The following ZNF518A variants were observed in gnomAD, a reference collection of about 807,000 sequenced individuals.
The protein encoded by ZNF518A is zinc finger protein 518A.
In ZNF518A, 47 loss-of-function variants were observed where a neutral mutation model predicts 102.7. The observed-to-expected ratio is 0.46, with a 90% CI of 0.36 to 0.58. The LOEUF (loss-of-function observed/expected upper bound fraction) is 0.58. ZNF518A is among the 20% of genes least tolerant of loss of function. ZNF518A has a pLI of 0.00. For synonymous variants in ZNF518A, 652 were observed against 594.6 expected (o/e 1.10, Z -1.40); for missense variants, 1,793 against 1,699.8 (o/e 1.05, Z -0.96).
At chr10:96,182,459 G>A (rs587708834) in intron 1 of ZNF518A, among the ~76,000 whole-genome samples, 19 of 152,296 alleles carry the variant, frequency 1.2e-4, no homozygotes, top group African/African-American at 4.3e-4. Context: ...TATGATGGTG[G>A]CTGTGGGTTT....
chr10:96,154,658 C>T (rs1312569094), intron 3 of ZNF518A, among the ~76,000 whole-genome samples: 1 of 152,130 alleles, frequency 6.6e-6, no homozygotes, highest in Admixed American at 6.5e-5. Flanking sequence ...GCCTTTTCTC[C>T]TGGTTTCCTG....
Position 96,157,949 on chromosome 10 carries a change from A to T in ZNF518A, c.1627A>T (p.Thr543Ser), listed in dbSNP as rs782612492. 1.2e-6 allele frequency: 2 copies of T among 1,613,742 alleles called. No homozygotes were observed. The highest frequency in any genetic ancestry group is 2.2e-5 in the South Asian group (2 of 91,062). The change falls in exon 6 of 6, where the codon ACA becomes TCA. Residue 543 changes from threonine (T) to serine (S), a missense_variant. Physicochemically the swap from Thr to Ser is moderately conservative, Grantham distance 58 (BLOSUM62 1). Coordinates refer to ENST00000316045, the MANE Select transcript of ZNF518A (RefSeq NM_001330736.2). ...ATCTCAAAGGAATAATATGCTTCAA[A>T]CAATGGATTATGAGAAAAGTGTATC... The part of the protein sequence containing the change: ...LISQRNNMLQ[T>S]MDYEKSVSSL...
chr10:96,203,542 G>T (rs1161849871), intron 1 of ZNF518A: 1 of 152,224 alleles, frequency 6.6e-6, no homozygotes, highest in African/African-American at 2.4e-5. Context: ...TACGTTCTGT[G>T]AGCCTGACTT....
At chr10:96,170,512 T>C (rs1463662049) in intron 1 of ZNF518A, among the ~76,000 whole-genome samples, 1 of 152,176 alleles carries the variant, frequency 6.6e-6, no homozygotes, top group Admixed American at 6.5e-5. Flanking sequence ...GAGTGGAGAA[T>C]GAGACTAGAG....
In ZNF518A at chr10:96,130,758, C is replaced by T. The variant is rs1326814024; in HGVS notation, c.-453+6C>T. ...TTCTCCAGAGTTGGCCAAAGGTGCTCTTCCCCGCAGACCCTAACCACACCC... is the reference window on the plus strand; with the variant it reads ...TTCTCCAGAGTTGGCCAAAGGTGCTTTTCCCCGCAGACCCTAACCACACCC... On this transcript the variant is annotated splice_donor_region_variant and intron_variant, in intron 1 of 5. Transcript: ENST00000316045. 2.6e-5 allele frequency: 4 copies of T among 152,408 alleles called. No homozygotes were observed. The highest frequency in any genetic ancestry group is 2.6e-4 in the Admixed American group (4 of 15,288). 9.4% of individuals were successfully genotyped at this position (152,408 alleles called of 1,614,324 possible).
chr10:96,179,113 G>A (rs1003182418), intron 1 of ZNF518A, among the ~76,000 whole-genome samples: 2 of 152,070 alleles, frequency 1.3e-5, no homozygotes, highest in African/African-American at 2.4e-5. Context: ...GAAAACTACA[G>A]ACCAGTGTTC....
rs782256757 is a variant in ZNF518A, at chr10:96,157,951, A to G, written c.1629A>G (p.Thr543=). ...CTCAAAGGAATAATATGCTTCAAAC[A>G]ATGGATTATGAGAAAAGTGTATCTT... ...LISQRNNMLQ[T]MDYEKSVSSL... Residue 543 remains threonine, a synonymous_variant, in exon 6 of 6, where the codon ACA becomes ACG. Transcript: ENST00000316045. 1 of 1,613,876 alleles carries G rather than the reference A, an allele frequency of 6.2e-7. No homozygotes were observed. The highest frequency in any genetic ancestry group is 1.1e-5 in the South Asian group (1 of 91,056).
At chr10:96,142,045 A>G (rs1302555831) in intron 3 of ZNF518A, among the ~76,000 whole-genome samples, 2 of 152,206 alleles carry the variant, frequency 1.3e-5, no homozygotes, top group South Asian at 2.1e-4. Flanking sequence ...CCCAGCCTAC[A>G]TTTCTTTTTC....
chr10:96,148,206 G>A (rs1050964849), intron 3 of ZNF518A, among the ~76,000 whole-genome samples: 7 of 152,164 alleles, frequency 4.6e-5, no homozygotes, highest in African/African-American at 1.4e-4. Context: ...TTGGGAGGCC[G>A]AGGTGGGTGG....
chr10:96,143,436 T>G (rs2082032359), intron 3 of ZNF518A, among the ~76,000 whole-genome samples: 1 of 152,192 alleles, frequency 6.6e-6, no homozygotes, highest in South Asian at 2.1e-4. Flanking sequence ...CTTCCATTGT[T>G]TCTTTATTCT....
At position 96,159,003 on chromosome 10, in the gene ZNF518A, C is replaced by T. The variant is rs374947264; in HGVS notation, c.2681C>T (p.Ala894Val). The T allele has an allele frequency of 2.2e-5, 36 of 1,613,398 alleles. No homozygotes were observed. Among genetic ancestry groups the T allele is most frequent in the Non-Finnish European group, 2.8e-5 (33 of 1,179,702 alleles). The change falls in exon 6 of 6, where the codon GCG (alanine) becomes GTG (valine). Residue 894 changes from alanine (A) to valine (V), a missense_variant. Physicochemically the swap from Ala to Val is moderately conservative, Grantham distance 64 (BLOSUM62 0). This residue lies in a region of ZNF518A where 1,741 missense variants were observed against 1,622.6 expected (regional missense o/e 1.07). Coordinates refer to ENST00000316045, the MANE Select transcript of ZNF518A (RefSeq NM_001330736.2). ...ACATTACTTAAGACTCAGTCAGATGCGATAATAACACAGCAGCTTGTAAAA... is the reference window on the plus strand; with the variant it reads ...ACATTACTTAAGACTCAGTCAGATGTGATAATAACACAGCAGCTTGTAAAA... ...FGTLLKTQSD[A>V]IITQQLVKDK...
intron 3 of ZNF518A, among the ~76,000 whole-genome samples, chr10:96,134,702 T>C (rs1353905471): frequency 6.6e-6 from 1 of 152,224 alleles, no homozygotes; most frequent in Non-Finnish European, 1.5e-5. Flanking sequence ...CTTGAAAACT[T>C]GTGAGCAAAG....
At position 96,158,980 on chromosome 10, in the gene ZNF518A, AT is replaced by A; in HGVS notation, c.2660del (p.Leu887TyrfsTer9). The A allele has an allele frequency of 6.2e-7, 1 of 1,613,596 alleles. No homozygotes were observed. ...TGCCTAGAATTTCAGGTTTTGGCACATTACTTAAGACTCAGTCAGATGCGAT... is the reference window on the plus strand; with the variant it reads ...TGCCTAGAATTTCAGGTTTTGGCACATACTTAAGACTCAGTCAGATGCGAT... The part of the protein sequence containing the change: ...KMPRISGFGT[L>X]LKTQSDAIIT... On this transcript the variant is annotated frameshift_variant, in exon 6 of 6. Coordinates refer to ENST00000316045, the MANE Select transcript of ZNF518A (RefSeq NM_001330736.2). LOFTEE classifies it high-confidence loss of function.
downstream of ZNF518A, among the ~76,000 whole-genome samples, chr10:96,166,938 G>A (rs1554890443): frequency 6.6e-6 from 1 of 152,254 alleles, no homozygotes; most frequent in Middle Eastern, 3.4e-3. Context: ...AACTCCTTAA[G>A]TAGTGAAAGC....
chr10:96,159,184 T>C lies in ZNF518A; in HGVS notation c.2862T>C (p.Pro954=). Residue 954 remains proline (P), a synonymous_variant, in exon 6 of 6, where the codon CCT becomes CCC. Coordinates refer to ENST00000316045, the MANE Select transcript of ZNF518A (RefSeq NM_001330736.2). ...ITNKPGLPVI[P]GNALPLVNSQ... ...ACAAGCCTGGGCTACCAGTTATTCCTGGAAATGCACTTCCATTGGTTAATT... is the reference window on the plus strand; with the variant it reads ...ACAAGCCTGGGCTACCAGTTATTCCCGGAAATGCACTTCCATTGGTTAATT... 6.2e-7 allele frequency: 1 copy of C among 1,613,814 alleles called. No individual in the cohort carries two copies. The highest frequency in any genetic ancestry group is 1.1e-5 in the South Asian group (1 of 91,060).
chr10:96,181,130 G>T (rs183845405), intron 1 of ZNF518A, among the ~76,000 whole-genome samples: 1 of 152,336 alleles, frequency 6.6e-6, no homozygotes, highest in Non-Finnish European at 1.5e-5. Flanking sequence ...TCTGTTGGCT[G>T]CATAAAAGTC....
rs931697841 is a variant in ZNF518A, at chr10:96,130,690, G to T, written c.-515G>T. ...CTGGCCCAGCGTATGGTCATTGGGGGCCATTTCTTGCAGAGATGCCCTGCT... is the reference window on the plus strand; with the variant it reads ...CTGGCCCAGCGTATGGTCATTGGGGTCCATTTCTTGCAGAGATGCCCTGCT... On this transcript the variant is annotated 5_prime_UTR_variant, in exon 1 of 6. Transcript: ENST00000316045. 1 of 152,360 alleles carries T rather than the reference G, an allele frequency of 6.6e-6. No homozygotes were observed. The highest frequency in any genetic ancestry group is 1.5e-5 in the Non-Finnish European group (1 of 68,152). The allele number at this position is 152,360 out of a possible 1,614,324, so 9.4% of individuals were successfully genotyped here.
chr10:96,161,021 C>G lies in ZNF518A; in HGVS notation c.*247C>G. On this transcript the variant is annotated 3_prime_UTR_variant, in exon 6 of 6. Coordinates refer to ENST00000316045, the MANE Select transcript of ZNF518A (RefSeq NM_001330736.2). Reference sequence around the variant, plus strand: ...AAGTACCTTGATTTAATTTTTTAAACGTGTTCTCGGGAAGTTAGGGCTAAA... The same window carrying G: ...AAGTACCTTGATTTAATTTTTTAAAGGTGTTCTCGGGAAGTTAGGGCTAAA... The G allele has an allele frequency of 2.7e-6, 1 of 374,826 alleles. No individual in the cohort carries two copies. The highest frequency in any genetic ancestry group is 4.8e-6 in the Non-Finnish European group (1 of 208,534). The allele number at this position is 374,826 out of a possible 1,614,324, so 23.2% of individuals were successfully genotyped here.
At position 96,158,123 on chromosome 10, in the gene ZNF518A, G is replaced by T. The variant is rs1554884254; in HGVS notation, c.1801G>T (p.Val601Phe). 1 of 1,613,480 alleles carries T rather than the reference G, an allele frequency of 6.2e-7. No homozygotes were observed. The highest frequency in any genetic ancestry group is 2.2e-5 in the East Asian group (1 of 44,866). ...TACCACCATTAAAAGTCCAGATAAA[G>T]TCAACTGTGTTGCCAAACCAAATGC... ...LGTTIKSPDK[V>F]NCVAKPNAYN... is the part of the protein sequence containing the mutation. Residue 601 changes from valine (V) to phenylalanine (F), a missense_variant, in exon 6 of 6, where the codon GTC becomes TTC. By Grantham distance (50) the Val-to-Phe change is conservative. Around this residue, in one of 3 missense-constraint regions of ZNF518A, gnomAD observed 1,741 missense variants for 1,622.6 expected, o/e 1.07. Transcript: ENST00000316045.
Sources: allele counts gnomAD v4.1 joint callset (sites outside exome capture counted in the v4.1 genomes callset), GRCh38; gene constraint gnomAD v4.1.1; regional missense constraint gnomAD v4.1.1; transcripts MANE v1.5; gene names NCBI Gene and HGNC (gene_info 2026-07-23, HGNC 2026-07-21).